Variants in LURAP1L observed in about 807,000 individuals in gnomAD.
LURAP1L encodes the protein leucine rich adaptor protein 1-like.
A neutral mutation model predicts 13.8 loss-of-function variants in LURAP1L; 12 were observed. That is an observed-to-expected ratio of 0.87 (90% CI 0.56 to 1.41). LURAP1L has a LOEUF of 1.41. Among genes scored for constraint, LURAP1L ranks in the 40% most tolerant of loss-of-function variants. LURAP1L has a pLI of 0.00. For missense variants in LURAP1L, 375 were observed against 292.9 expected (o/e 1.28, Z -2.04); for synonymous variants, 139 against 119.2 (o/e 1.17, Z -1.08).
intron 1 of LURAP1L, among the ~76,000 whole-genome samples, chr9:12,778,854 A>C (rs930114989): frequency 1.3e-5 from 2 of 152,244 alleles, no homozygotes; most frequent in African/African-American, 4.8e-5. Context: ...AGGAACTTAA[A>C]CCAATACAGT....
chr9:12,777,877 T>C (rs1223505528), intron 1 of LURAP1L, among the ~76,000 whole-genome samples: 1 of 152,232 alleles, frequency 6.6e-6, no homozygotes, highest in Non-Finnish European at 1.5e-5. Context: ...GTATACATTT[T>C]ACCTTCTATT....
rs558740117 is a variant in LURAP1L, at chr9:12,804,015, T to A, written c.313-17371T>A. Among the ~76,000 whole-genome samples the A allele has an allele frequency of 5.6e-4, 86 of 152,350 alleles. No individual in the cohort carries two copies. The South Asian group carries it at 0.015, about 27-fold the overall frequency. On this transcript the variant is annotated intron_variant, in intron 1 of 1. Coordinates refer to ENST00000319264, the MANE Select transcript of LURAP1L (RefSeq NM_203403.2). ...AAAGAGCAAATCTATTATTTCCTCA[T>A]AGAATTCATTGTGATTCACACTGAA...
At chr9:12,819,616 CT>C (rs1460819777) in intron 1 of LURAP1L, among the ~76,000 whole-genome samples, 1 of 152,168 alleles carries the variant, frequency 6.6e-6, no homozygotes, top group Non-Finnish European at 1.5e-5. Context: ...ATGACCCAGA[CT>C]TTTGGGTTAG....
intron 1 of LURAP1L, among the ~76,000 whole-genome samples, chr9:12,800,081 A>G (rs1819563581): frequency 6.6e-6 from 1 of 152,104 alleles, no homozygotes; most frequent in African/African-American, 2.4e-5. Context: ...TCAGAATGCA[A>G]TACAATATTA....
chr9:12,816,321 A>C (rs1819804484), intron 1 of LURAP1L, among the ~76,000 whole-genome samples: 1 of 152,210 alleles, frequency 6.6e-6, no homozygotes, highest in African/African-American at 2.4e-5. Context: ...CTACTTTACC[A>C]CCTTCACTGA....
chr9:12,782,421 A>C (rs1326800056), intron 1 of LURAP1L, among the ~76,000 whole-genome samples: 1 of 152,166 alleles, frequency 6.6e-6, no homozygotes, highest in African/African-American at 2.4e-5. Flanking sequence ...TGTATATGGC[A>C]AGAGATAGGG....
intron 1 of LURAP1L, among the ~76,000 whole-genome samples, chr9:12,786,550 A>ATATATATATATATATATATATATATATG (rs1819355168): frequency 1.0e-5 from 1 of 96,194 alleles, no homozygotes; most frequent in African/African-American, 3.9e-5. Context: ...TATATGACAT[A>ATATATATATATATATATATATATATATG]TATATATATA....
chr9:12,785,508 A>G (rs981965211), intron 1 of LURAP1L, among the ~76,000 whole-genome samples: 1 of 152,142 alleles, frequency 6.6e-6, no homozygotes, highest in Admixed American at 6.5e-5. Context: ...TTTAGCCTGC[A>G]GTGTTGATGC....
chr9:12,800,417 G>A (rs1819569228), intron 1 of LURAP1L, among the ~76,000 whole-genome samples: 1 of 152,070 alleles, frequency 6.6e-6, no homozygotes. Flanking sequence ...CCAGTCATCT[G>A]AGATCCAAAA....
At chr9:12,779,029 C>T (rs941649710) in intron 1 of LURAP1L, among the ~76,000 whole-genome samples, 1 of 152,102 alleles carries the variant, frequency 6.6e-6, no homozygotes, top group Non-Finnish European at 1.5e-5. Flanking sequence ...TAATAACTAA[C>T]AATAAAATAA....
chr9:12,796,767 G>A (rs1819516761), intron 1 of LURAP1L, among the ~76,000 whole-genome samples: 1 of 152,010 alleles, frequency 6.6e-6, no homozygotes, highest in Admixed American at 6.6e-5. Flanking sequence ...GATTAAGCAT[G>A]TGAACTTCAG....
At chr9:12,808,928 A>G (rs1819699600) in intron 1 of LURAP1L, among the ~76,000 whole-genome samples, 1 of 152,300 alleles carries the variant, frequency 6.6e-6, no homozygotes, top group African/African-American at 2.4e-5. Context: ...AAACAGATTC[A>G]TTTTGGCCCA....
At chr9:12,810,818 T>A (rs562780331) in intron 1 of LURAP1L, among the ~76,000 whole-genome samples, 18 of 152,254 alleles carry the variant, frequency 1.2e-4, no homozygotes, top group African/African-American at 4.1e-4. Context: ...AACTCTCCCA[T>A]CTGGAGAGTC....
intron 1 of LURAP1L, chr9:12,777,672 T>G: frequency 1.4e-6 from 1 of 733,692 alleles, no homozygotes; most frequent in African/African-American, 1.9e-5. Context: ...TATATATAAC[T>G]TGAAAACAGT....
intron 1 of LURAP1L, among the ~76,000 whole-genome samples, chr9:12,809,879 A>C (rs192414451): frequency 6.6e-6 from 1 of 152,268 alleles, no homozygotes; most frequent in East Asian, 1.9e-4. Context: ...GCACTCTTTA[A>C]ATATGGTCAG....
intron 1 of LURAP1L, among the ~76,000 whole-genome samples, chr9:12,803,646 T>C (rs904243185): frequency 6.6e-6 from 1 of 152,220 alleles, no homozygotes; most frequent in Non-Finnish European, 1.5e-5. Flanking sequence ...TCTACATTAA[T>C]TAGAGTAAAA....
rs112205460 is a variant in LURAP1L, at chr9:12,810,105, T to G, written c.313-11281T>G. Among the ~76,000 whole-genome samples, 399 of 152,286 alleles carry G rather than the reference T, an allele frequency of 2.6e-3. 1 individual carries two copies. Among genetic ancestry groups the G allele is most frequent in the African/African-American group, 9.2e-3 (381 of 41,558 alleles). On this transcript the variant is annotated intron_variant, in intron 1 of 1. Transcript: ENST00000319264. ...AGATTCCCTTAGGGACAAGCTTTTT[T>G]AAGGAGATCAGAGAGGTCTGGATGT...
intron 1 of LURAP1L, among the ~76,000 whole-genome samples, chr9:12,804,743 A>G (rs1251862119): frequency 6.6e-6 from 1 of 152,226 alleles, no homozygotes; most frequent in African/African-American, 2.4e-5. Context: ...TCAATGAAGG[A>G]AATCATCAGG....
chr9:12,792,661 T>C (rs181958370), intron 1 of LURAP1L, among the ~76,000 whole-genome samples: 2 of 152,236 alleles, frequency 1.3e-5, no homozygotes, highest in Non-Finnish European at 2.9e-5. Flanking sequence ...ACATTAGATT[T>C]ACTTTTTTAA....
Sources: gnomAD v4.1 joint callset for allele counts (sites outside exome capture counted in the v4.1 genomes callset) on GRCh38, gnomAD v4.1.1 for gene constraint, MANE v1.5 for transcripts, NCBI Gene and HGNC (gene_info 2026-07-23, HGNC 2026-07-21) for gene names.